Variants in BRINP2 observed in about 807,000 individuals in gnomAD.
BRINP2 encodes the protein BMP/retinoic acid-inducible neural-specific protein 2.
A neutral mutation model predicts 69.2 loss-of-function variants in BRINP2; 21 were observed. The ratio of observed to expected loss-of-function variants is 0.30; its 90% confidence interval spans 0.22 to 0.44. The LOEUF is 0.44. Ranked by LOEUF, BRINP2 falls within the 20% of genes least tolerant of loss-of-function variation. BRINP2 has a pLI of 1.00. For synonymous variants in BRINP2, 380 were observed against 394.1 expected (o/e 0.96, Z 0.42); for missense variants, 877 against 986.0 (o/e 0.89, Z 1.48).
intron 4 of BRINP2, 37 bp from the exon 5 acceptor site, chr1:177,273,451 G>A: frequency 7.0e-7 from 1 of 1,429,722 alleles, no homozygotes; most frequent in Non-Finnish European, 9.7e-7. Flanking sequence ...GTCTCCACTT[G>A]TTATCTAAAC....
chr1:177,252,309 C>A (rs1368045197), intron 2 of BRINP2, among the ~76,000 whole-genome samples: 2 of 152,172 alleles, frequency 1.3e-5, no homozygotes, highest in African/African-American at 4.8e-5. Flanking sequence ...TAGTCACCCG[C>A]TTTTCTTTGT....
intron 7 of BRINP2, 38 bp downstream of exon 7, chr1:177,278,823 C>T: frequency 6.3e-7 from 1 of 1,594,780 alleles, no homozygotes; most frequent in Non-Finnish European, 8.6e-7. Context: ...GAGCTCAGCA[C>T]CTCCCCTGAC....
At chr1:177,270,303 G>A (rs1285690707) in intron 4 of BRINP2, among the ~76,000 whole-genome samples, 3 of 152,108 alleles carry the variant, frequency 2.0e-5, no homozygotes, top group Non-Finnish European at 4.4e-5. Flanking sequence ...CACTCTAACA[G>A]GAAATGAGCA....
At chr1:177,256,997 GC>G in intron 3 of BRINP2, 178 bp from the exon 4 acceptor site, 1 of 1,512,484 alleles carries the variant, frequency 6.6e-7, no homozygotes, top group Non-Finnish European at 8.9e-7. Flanking sequence ...GAGGCCGCTG[GC>G]CTGTGGCTCC....
At chr1:177,232,543 T>C (rs1281629756) in intron 2 of BRINP2, among the ~76,000 whole-genome samples, 1 of 152,188 alleles carries the variant, frequency 6.6e-6, no homozygotes, top group Non-Finnish European at 1.5e-5. Flanking sequence ...TTCAGGAGCA[T>C]TCCTCGAGTT....
At chr1:177,268,248 C>G (rs932085225) in intron 4 of BRINP2, among the ~76,000 whole-genome samples, 4 of 152,204 alleles carry the variant, frequency 2.6e-5, no homozygotes, top group Non-Finnish European at 4.4e-5. Context: ...TTAGTACTTA[C>G]AGATCCATAC....
intron 6 of BRINP2, among the ~76,000 whole-genome samples, chr1:177,277,537 A>T (rs2102363612): frequency 6.6e-6 from 1 of 151,460 alleles, no homozygotes; most frequent in South Asian, 2.1e-4. Flanking sequence ...CACATACTAG[A>T]TGTTAGTGCC....
At chr1:177,206,363 A>G (rs968238445) in intron 1 of BRINP2, among the ~76,000 whole-genome samples, 4 of 152,238 alleles carry the variant, frequency 2.6e-5, no homozygotes, top group African/African-American at 9.6e-5. Flanking sequence ...ATAATTTGTT[A>G]CACATTTGTT....
At chr1:177,266,764 AAAAAAAAAAAAAAAAAGAAAG>A (rs1454396954) in intron 4 of BRINP2, among the ~76,000 whole-genome samples, 1 of 151,390 alleles carries the variant, frequency 6.6e-6, no homozygotes, top group Non-Finnish European at 1.5e-5. Flanking sequence ...ACTCTAAAAA[AAAAAAAAAAAAAAAAAGAAAG>A]AAAAAAAAAA....
At chr1:177,268,328 A>G (rs1651193013) in intron 4 of BRINP2, among the ~76,000 whole-genome samples, 1 of 152,194 alleles carries the variant, frequency 6.6e-6, no homozygotes, top group South Asian at 2.1e-4. Flanking sequence ...TGTTGGTGCT[A>G]CGACACCTGC....
At chr1:177,269,709 G>A (rs917210087) in intron 4 of BRINP2, among the ~76,000 whole-genome samples, 2 of 152,124 alleles carry the variant, frequency 1.3e-5, no homozygotes, top group Non-Finnish European at 1.5e-5. Flanking sequence ...TGTCCCCTTA[G>A]GTAGGACAAG....
At chr1:177,243,797 C>G (rs1163406883) in intron 2 of BRINP2, among the ~76,000 whole-genome samples, 4 of 152,176 alleles carry the variant, frequency 2.6e-5, no homozygotes, top group Non-Finnish European at 4.4e-5. Flanking sequence ...TCATTCAGGA[C>G]CAAGACTCCT....
At position 177,281,830 on chromosome 1, in the gene BRINP2, G is replaced by A. The variant is rs541666789; in HGVS notation, c.*302G>A. ...AATGCAATTGAAAGAAAGGAGCCAA[G>A]GAAGAGATTAAGAAAAAGAACCAGC... is the stretch of plus-strand genomic sequence containing the variant. On this transcript the variant is annotated 3_prime_UTR_variant, in exon 8 of 8. Transcript: ENST00000361539. 2.4e-4 allele frequency: 63 copies of A among 261,186 alleles called. No individual in the cohort carries two copies. Among genetic ancestry groups the A allele is most frequent in the Non-Finnish European group, 3.9e-4 (54 of 139,148 alleles). The allele number at this position is 261,186 out of a possible 1,614,324, so 16.2% of individuals were successfully genotyped here.
At position 177,245,354 on chromosome 1, in the gene BRINP2, A is replaced by G. The variant is rs190430297; in HGVS notation, c.270-10565A>G. On this transcript the variant is annotated intron_variant, in intron 2 of 7. Transcript: ENST00000361539. Reference sequence around the variant, plus strand: ...TGGAAACTGTGTTGAAGGAACTAAAACTATTTAGTCCAAAGAAGAATGGCC... The same window carrying G: ...TGGAAACTGTGTTGAAGGAACTAAAGCTATTTAGTCCAAAGAAGAATGGCC... 4.2e-3 allele frequency among the ~76,000 whole-genome samples: 644 copies of G among 152,276 alleles called. 4 individuals are homozygous for G. Among genetic ancestry groups the G allele is most frequent in the Non-Finnish European group, 6.6e-3 (451 of 68,022 alleles).
chr1:177,202,729 C>T (rs921549563), intron 1 of BRINP2, among the ~76,000 whole-genome samples: 10 of 152,140 alleles, frequency 6.6e-5, no homozygotes, highest in Non-Finnish European at 1.3e-4. Context: ...TGAAAAAATG[C>T]TCATCATCAC....
chr1:177,190,916 T>A (rs1648577130), intron 1 of BRINP2, among the ~76,000 whole-genome samples: 1 of 152,198 alleles, frequency 6.6e-6, no homozygotes, highest in Non-Finnish European at 1.5e-5. Flanking sequence ...ATTTAGGGTT[T>A]ATCACAGTTG....
chr1:177,281,323 C>T lies in BRINP2; in HGVS notation c.2147C>T (p.Ala716Val). 6.2e-7 allele frequency: 1 copy of T among 1,614,144 alleles called. No homozygotes were observed. Among genetic ancestry groups the T allele is most frequent in the South Asian group, 1.1e-5 (1 of 91,082 alleles). The stretch of plus-strand genomic sequence containing the variant: ...TATACTCAAGGTTCCCAGGACTCTG[C>T]ACTCTTGCAGCTCATTGAGCTCAGG... ...YPYTQGSQDS[A>V]LLQLIELRDR... Residue 716 changes from alanine (A) to valine (V), a missense_variant, in exon 8 of 8, where the codon GCA becomes GTA. Physicochemically the swap from Ala to Val is moderately conservative, Grantham distance 64. This residue lies in a region of BRINP2 where 225 missense variants were observed against 218.7 expected (regional missense o/e 1.03). Transcript: ENST00000361539.
At chr1:177,274,450 C>T (rs1651432051) in intron 5 of BRINP2, among the ~76,000 whole-genome samples, 1 of 152,176 alleles carries the variant, frequency 6.6e-6, no homozygotes, top group Admixed American at 6.5e-5. Context: ...AAATGCGACC[C>T]AGCAATGCTT....
At chr1:177,175,921 G>A (rs944435727) in intron 1 of BRINP2, among the ~76,000 whole-genome samples, 8 of 152,212 alleles carry the variant, frequency 5.3e-5, no homozygotes, top group Admixed American at 4.6e-4. Flanking sequence ...CCAAGGGCAT[G>A]TGGTTAAGGG....
Sources: allele counts gnomAD v4.1 joint callset (sites outside exome capture counted in the v4.1 genomes callset), GRCh38; gene constraint gnomAD v4.1.1; regional missense constraint gnomAD v4.1.1; transcripts MANE v1.5; gene names NCBI Gene and HGNC (gene_info 2026-07-23, HGNC 2026-07-21).